CSMD1: variants seen among roughly 807,000 people sequenced by gnomAD.
The protein encoded by CSMD1 is CUB and sushi domain-containing protein 1.
A neutral mutation model predicts 417.5 loss-of-function variants in CSMD1; 213 were observed. That is an observed-to-expected ratio of 0.51 (90% confidence interval 0.46 to 0.57). The LOEUF is 0.57. CSMD1 is among the 20% of genes least tolerant of loss of function. CSMD1 has a pLI of 0.00. For missense variants in CSMD1, 6,923 were observed against 4,529.7 expected (o/e 1.53, Z -15.17); for synonymous variants, 2,862 against 1,736.8 (o/e 1.65, Z -16.11).
At chr8:3,633,390 G>T (rs1284851654) in intron 7 of CSMD1, among the ~76,000 whole-genome samples, 2 of 152,136 alleles carry the variant, frequency 1.3e-5, no homozygotes, top group Admixed American at 1.3e-4. Flanking sequence ...TGACAAGTTT[G>T]CAAACTAGGC....
At chr8:4,091,593 A>G (rs1210794481) in intron 3 of CSMD1, among the ~76,000 whole-genome samples, 1 of 152,190 alleles carries the variant, frequency 6.6e-6, no homozygotes, top group Non-Finnish European at 1.5e-5. Flanking sequence ...TAATTGTAGG[A>G]CATACACCTC....
chr8:4,007,036 C>T (rs77913870), intron 4 of CSMD1, among the ~76,000 whole-genome samples: 14,930 of 151,898 alleles, frequency 0.098, 875 homozygotes, highest in East Asian at 0.19. Context: ...GACGGGGTTT[C>T]ACCGTGTTAG....
intron 3 of CSMD1, among the ~76,000 whole-genome samples, chr8:4,167,093 T>A (rs115907927): frequency 6.6e-6 from 1 of 152,130 alleles, no homozygotes; most frequent in Non-Finnish European, 1.5e-5. Context: ...TGTAGATAAA[T>A]GTAAAACCCT....
intron 1 of CSMD1, among the ~76,000 whole-genome samples, chr8:4,954,352 T>C (rs2117298912): frequency 6.6e-6 from 1 of 152,278 alleles, no homozygotes; most frequent in East Asian, 1.9e-4. Flanking sequence ...TTTCCATTTG[T>C]AACTCTAAAG....
intron 46 of CSMD1, 71 bp downstream of exon 46, chr8:3,106,457 A>G: frequency 1.1e-6 from 1 of 882,376 alleles, no homozygotes; most frequent in Non-Finnish European, 1.8e-6. Flanking sequence ...AAAGAAATGC[A>G]GACCAATACA....
At chr8:4,798,209 G>T (rs142379143) in intron 1 of CSMD1, among the ~76,000 whole-genome samples, 2 of 151,896 alleles carry the variant, frequency 1.3e-5, no homozygotes, top group African/African-American at 4.8e-5. Flanking sequence ...TCCCCTTCTT[G>T]TGTCCAAGTG....
chr8:4,526,703 T>C (rs1796529914), intron 2 of CSMD1, among the ~76,000 whole-genome samples: 1 of 152,224 alleles, frequency 6.6e-6, no homozygotes. Flanking sequence ...AGGGTTATTA[T>C]AATTATCATT....
chr8:4,126,349 T>A (rs1158514009), intron 3 of CSMD1, among the ~76,000 whole-genome samples: 1 of 152,236 alleles, frequency 6.6e-6, no homozygotes, highest in Non-Finnish European at 1.5e-5. Flanking sequence ...ACCCACTGCA[T>A]GGTTACGAGA....
chr8:3,529,904 A>G (rs942799181), intron 10 of CSMD1, among the ~76,000 whole-genome samples: 4 of 152,186 alleles, frequency 2.6e-5, no homozygotes, highest in African/African-American at 9.7e-5. Flanking sequence ...TGGAAAGCCG[A>G]GGCCTTTCTA....
At chr8:4,823,118 C>G (rs1022965674) in intron 1 of CSMD1, among the ~76,000 whole-genome samples, 4 of 152,044 alleles carry the variant, frequency 2.6e-5, no homozygotes, top group Non-Finnish European at 5.9e-5. Flanking sequence ...ATACTGGTGT[C>G]AAACTGAAGC....
At chr8:4,109,867 G>A (rs906732458) in intron 3 of CSMD1, among the ~76,000 whole-genome samples, 2 of 152,150 alleles carry the variant, frequency 1.3e-5, no homozygotes, top group African/African-American at 4.8e-5. Flanking sequence ...GTCCAAGACA[G>A]TCATTGTGCT....
At chr8:4,235,712 G>C (rs191513374) in intron 3 of CSMD1, among the ~76,000 whole-genome samples, 1 of 152,092 alleles carries the variant, frequency 6.6e-6, no homozygotes, top group Non-Finnish European at 1.5e-5. Context: ...TTATTCTTGT[G>C]ATATGTAAGT....
chr8:3,181,831 G>T lies in CSMD1; in HGVS notation c.5621-617C>A, dbSNP rs79404879. 3.6e-3 allele frequency among the ~76,000 whole-genome samples: 555 copies of T among 152,248 alleles called. 1 individual carries two copies. The highest frequency in any genetic ancestry group is 6.8e-3 in the Middle Eastern group (2 of 292). On this transcript the variant is annotated intron_variant, in intron 36 of 69. Transcript: ENST00000635120. ...CACAGTAACTAACCGATTGGAAAGG[G>T]CAATACAGATACCGAGGACCAGGGT... is the stretch of plus-strand genomic sequence containing the variant.
chr8:3,140,205 C>G (rs1180277255), intron 41 of CSMD1, among the ~76,000 whole-genome samples: 1 of 152,038 alleles, frequency 6.6e-6, no homozygotes, highest in South Asian at 2.1e-4. Context: ...ACACCCAGCC[C>G]CGATTACCCT....
At chr8:3,344,413 A>G (rs1039509272) in intron 22 of CSMD1, among the ~76,000 whole-genome samples, 1 of 152,190 alleles carries the variant, frequency 6.6e-6, no homozygotes, top group African/African-American at 2.4e-5. Context: ...ATACCTGGGT[A>G]ACAAGCCTGC....
intron 37 of CSMD1, among the ~76,000 whole-genome samples, chr8:3,166,500 C>T (rs1820225953): frequency 6.6e-6 from 1 of 152,012 alleles, no homozygotes; most frequent in Admixed American, 6.6e-5. Flanking sequence ...CACCACTGCA[C>T]TCCAGCCTGG....
chr8:3,750,137 G>C (rs925525165), intron 6 of CSMD1, among the ~76,000 whole-genome samples: 10 of 152,058 alleles, frequency 6.6e-5, no homozygotes, highest in Admixed American at 2.0e-4. Context: ...GAACCACAAA[G>C]GGTTTCTTAG....
intron 3 of CSMD1, among the ~76,000 whole-genome samples, chr8:4,298,474 A>C (rs1176334529): frequency 1.3e-5 from 2 of 152,122 alleles, no homozygotes; most frequent in African/African-American, 4.8e-5. Flanking sequence ...AGTGAGTACA[A>C]TGTATATTAT....
Position 3,406,064 on chromosome 8 carries a change from C to G in CSMD1, c.2229G>C (p.Gly743=), listed in dbSNP as rs763527599. 1.9e-6 allele frequency: 3 copies of G among 1,613,820 alleles called. No individual in the cohort carries two copies. The African/African-American group carries it at 4.0e-5, about 22-fold the overall frequency. The change falls in exon 15 of 70, where the codon GGG becomes GGC. Residue 743 remains glycine, a synonymous_variant. Transcript: ENST00000635120. ...GCACGGTGGAGCTCCAGACCACGTT[C>G]CCGTCTTGCAGTATGCAGGTAATGG... ...SESITCILQD[G]NVVWSSTVPR... is the part of the protein sequence containing the mutation.
Sources: allele counts gnomAD v4.1 joint callset (sites outside exome capture counted in the v4.1 genomes callset), GRCh38; gene constraint gnomAD v4.1.1; transcripts MANE v1.5; gene names NCBI Gene and HGNC (gene_info 2026-07-23, HGNC 2026-07-21).